Variants in CUL2 observed in about 807,000 individuals in gnomAD.
CUL2 encodes the protein cullin-2.
In CUL2, 22 loss-of-function variants were observed where a neutral mutation model predicts 110.2. That is an observed-to-expected ratio of 0.20 (90% CI 0.14 to 0.28). The LOEUF is 0.28. Among genes scored for constraint, CUL2 ranks in the 10% least tolerant of loss-of-function variants. The pLI, the probability that CUL2 is intolerant of heterozygous loss-of-function variation, is 1.00. For missense variants in CUL2, 631 were observed against 905.5 expected, an observed-to-expected ratio of 0.70 and a Z score of 3.89; for synonymous variants, 279 against 293.2, an observed-to-expected ratio of 0.95 and a Z score of 0.49.
chr10:35,121,970 C>G (rs955420615), intron 1 of CUL2, among the ~76,000 whole-genome samples: 3 of 151,978 alleles, frequency 2.0e-5, no homozygotes, highest in Non-Finnish European at 4.4e-5. Context: ...TTAAGTTTAC[C>G]AAACTCAAAA....
chr10:35,079,017 G>A (rs1296583098), intron 1 of CUL2, among the ~76,000 whole-genome samples: 1 of 152,090 alleles, frequency 6.6e-6, no homozygotes, highest in Non-Finnish European at 1.5e-5. Flanking sequence ...ACCCAATAAA[G>A]AGCCTTACAG....
rs1413208702 is a variant in CUL2 at position 35,048,362 on chromosome 10, T to C, written c.506+1321A>G. ...CAGAACTAATATGCTTTAGTTGTAT[T>C]ATTTTTCTTACATTGTTTCCTTCAT... On this transcript the variant is annotated intron_variant, in intron 6 of 20. Coordinates refer to ENST00000374749, the MANE Select transcript of CUL2 (RefSeq NM_003591.4). Among the ~76,000 whole-genome samples the C allele has an allele frequency of 1.2e-4, 19 of 152,346 alleles. No homozygotes were observed. The South Asian group carries it at 3.7e-3, about 30-fold the overall frequency.
intron 1 of CUL2, among the ~76,000 whole-genome samples, chr10:35,114,789 A>G (rs1203026392): frequency 1.3e-5 from 2 of 150,582 alleles, no homozygotes; most frequent in Non-Finnish European, 2.9e-5. Flanking sequence ...TAAAGTCCCA[A>G]ATAGAACTTC....
At chr10:35,047,607 C>CAAA (rs61467648) in intron 6 of CUL2, among the ~76,000 whole-genome samples, 33 of 120,196 alleles carry the variant, frequency 2.7e-4, no homozygotes, top group African/African-American at 8.8e-4. Context: ...AAGACTGTCT[C>CAAA]AAAAAAAAAA....
intron 6 of CUL2, among the ~76,000 whole-genome samples, chr10:35,048,901 C>T (rs551943258): frequency 1.3e-5 from 2 of 152,242 alleles, no homozygotes; most frequent in South Asian, 2.1e-4. Flanking sequence ...ACGGCTTTGA[C>T]AAAGTATTCC....
rs368180586 is a variant in CUL2, at chr10:35,117,631, A to T, written c.-51+8974T>A. Among the ~76,000 whole-genome samples, 19 of 152,202 alleles carry T rather than the reference A, an allele frequency of 1.2e-4. 1 individual carries two copies. In the South Asian group the frequency reaches 3.5e-3, roughly 28 times the overall value. On this transcript the variant is annotated intron_variant, in intron 1 of 5. Transcript: ENST00000685421. Reference sequence around the variant, plus strand: ...TTGTAAAAGTGAAATATATGGCAACATTGGCACAATGAATAGAAGAGTTGG... The same window carrying T: ...TTGTAAAAGTGAAATATATGGCAACTTTGGCACAATGAATAGAAGAGTTGG...
At chr10:35,044,929 C>T in intron 6 of CUL2, 61 bp from the exon 7 acceptor site, 1 of 1,052,752 alleles carries the variant, frequency 9.5e-7, no homozygotes, top group Non-Finnish European at 1.5e-6. Flanking sequence ...GAAATATACC[C>T]AAAATATGCC....
At chr10:35,040,046 G>C (rs943363518) in intron 8 of CUL2, among the ~76,000 whole-genome samples, 1 of 152,108 alleles carries the variant, frequency 6.6e-6, no homozygotes, top group Non-Finnish European at 1.5e-5. Context: ...CCAGCTACTC[G>C]GGAGGCTGAG....
chr10:35,084,686 T>A lies in CUL2; in HGVS notation c.-23+5493A>T, dbSNP rs1253703152. Among the ~76,000 whole-genome samples the A allele has an allele frequency of 3.3e-5, 5 of 152,308 alleles. 1 individual carries two copies. In the South Asian group the frequency reaches 1.0e-3, roughly 32 times the overall value. On this transcript the variant is annotated intron_variant, in intron 1 of 20. Transcript: ENST00000374749. ...TACTGAGAGAGGGTTCAGTCATACA[T>A]CTCATAGATCAATAACTTGTTATAA...
intron 1 of CUL2, among the ~76,000 whole-genome samples, chr10:35,111,993 A>G (rs1346980907): frequency 6.6e-6 from 1 of 152,200 alleles, no homozygotes; most frequent in Non-Finnish European, 1.5e-5. Flanking sequence ...TCAACTGTAC[A>G]AGGGTCTATG....
intron 1 of CUL2, among the ~76,000 whole-genome samples, chr10:35,106,658 A>C (rs1464089197): frequency 6.6e-6 from 1 of 151,934 alleles, no homozygotes; most frequent in Non-Finnish European, 1.5e-5. Context: ...TAAGCCACCC[A>C]GTCTATGGCA....
At chr10:35,086,740 A>G (rs889241965) in intron 1 of CUL2, among the ~76,000 whole-genome samples, 2 of 151,432 alleles carry the variant, frequency 1.3e-5, no homozygotes, top group East Asian at 3.8e-4. Flanking sequence ...ATAAATAAAT[A>G]AATGAACTTA....
chr10:35,067,139 C>CA (rs71523356), intron 2 of CUL2, among the ~76,000 whole-genome samples: 28,745 of 76,514 alleles, frequency 0.38, 4,308 homozygotes, highest in South Asian at 0.46. Context: ...AACTCCATCT[C>CA]AAAAAAAAAA....
At position 35,112,819 on chromosome 10, in the gene CUL2, C is replaced by T. The variant is rs565430069; in HGVS notation, c.-50-11759G>A. On this transcript the variant is annotated intron_variant, in intron 1 of 5. Coordinates refer to the CUL2 transcript ENST00000685421. Reference sequence around the variant, plus strand: ...ATCAAAATAGATCAAGATTAAAGGCCGTTCTTTACTTACACCAATAATCTT... The same window carrying T: ...ATCAAAATAGATCAAGATTAAAGGCTGTTCTTTACTTACACCAATAATCTT... Among the ~76,000 whole-genome samples, 4 of 152,144 alleles carry T rather than the reference C, an allele frequency of 2.6e-5. No individual in the cohort carries two copies. The South Asian group carries it at 8.3e-4, about 32-fold the overall frequency.
At chr10:35,110,696 T>A (rs1349203423) in intron 1 of CUL2, among the ~76,000 whole-genome samples, 1 of 152,188 alleles carries the variant, frequency 6.6e-6, no homozygotes, top group Non-Finnish European at 1.5e-5. Context: ...GCCTCTCTCC[T>A]TGGCTTGCAG....
In CUL2 at chr10:35,010,324, C is replaced by T. The variant is rs1351963066; in HGVS notation, c.2225G>A (p.Ser742Asn). Residue 742 changes from serine (S) to asparagine (N), a missense_variant, in exon 21 of 21, where the codon AGC becomes AAC. Physicochemically the swap from Ser to Asn is conservative, Grantham distance 46. Coordinates refer to ENST00000374749, the MANE Select transcript of CUL2 (RefSeq NM_003591.4). ...AGGAGAGCGACATCACGCGACGTAG[C>T]TGTATTCATCTGCCGACGCCTGGCT... ...ERSQASADEYSYVA is the reference protein window; with the variant it reads ...ERSQASADEYNYVA 6.2e-7 allele frequency: 1 copy of T among 1,609,896 alleles called. No homozygotes were observed.
intron 3 of CUL2, among the ~76,000 whole-genome samples, chr10:35,062,051 T>C (rs1366486193): frequency 2.6e-5 from 4 of 152,218 alleles, no homozygotes; most frequent in Admixed American, 2.6e-4. Context: ...TTGCCCGTGG[T>C]TACAACAGCT....
At chr10:35,083,573 C>T (rs1752906668) in intron 1 of CUL2, among the ~76,000 whole-genome samples, 1 of 152,166 alleles carries the variant, frequency 6.6e-6, no homozygotes, top group African/African-American at 2.4e-5. Flanking sequence ...ACCTAGAACA[C>T]CTATGATGTC....
Position 35,049,676 on chromosome 10 carries a change from C to T in CUL2, c.506+7G>A. 1.2e-6 allele frequency: 2 copies of T among 1,607,534 alleles called. No individual in the cohort carries two copies. The highest frequency in any genetic ancestry group is 2.2e-5 in the South Asian group (2 of 90,590). ...ATTGACTCAGTAAGATAAATGTCAGCACTCACTTTTTGATTTCTCGGAGCA... is the reference window on the plus strand; with the variant it reads ...ATTGACTCAGTAAGATAAATGTCAGTACTCACTTTTTGATTTCTCGGAGCA... On this transcript the variant is annotated splice_region_variant and intron_variant, in intron 6 of 20. Coordinates refer to ENST00000374749, the MANE Select transcript of CUL2 (RefSeq NM_003591.4).
Sources: gnomAD v4.1 joint callset for allele counts (sites outside exome capture counted in the v4.1 genomes callset) on GRCh38, gnomAD v4.1.1 for gene constraint, MANE v1.5 for transcripts, NCBI Gene and HGNC (gene_info 2026-07-23, HGNC 2026-07-21) for gene names.